POU6F2: variants seen among roughly 807,000 people sequenced by gnomAD.
The protein encoded by POU6F2 is POU domain, class 6, transcription factor 2.
POU6F2 carries 31 observed loss-of-function variants against 71.3 expected under a neutral mutation model. The observed-to-expected ratio is 0.43, with a 90% CI of 0.33 to 0.59. The LOEUF is 0.59. Ranked by LOEUF, POU6F2 falls within the 20% of genes least tolerant of loss-of-function variation. The pLI, the probability that POU6F2 is intolerant of heterozygous loss-of-function variation, is 0.04. For missense variants in POU6F2, 783 were observed against 856.8 expected, an observed-to-expected ratio of 0.91 and a Z score of 1.07; for synonymous variants, 347 against 355.7, an observed-to-expected ratio of 0.98 and a Z score of 0.27.
intron 9 of POU6F2, among the ~76,000 whole-genome samples, chr7:39,462,612 A>T (rs989515540): frequency 5.3e-5 from 8 of 152,224 alleles, no homozygotes; most frequent in Non-Finnish European, 1.2e-4. Flanking sequence ...TGGGGATTTT[A>T]TGGCAAACGA....
intron 5 of POU6F2, among the ~76,000 whole-genome samples, chr7:39,374,586 G>C (rs1009808321): frequency 1.3e-5 from 2 of 152,200 alleles, no homozygotes; most frequent in Admixed American, 1.3e-4. Flanking sequence ...AGTCAGCATA[G>C]AGATCCAGAG....
At chr7:39,181,838 G>A (rs1793441079) in intron 2 of POU6F2, among the ~76,000 whole-genome samples, 1 of 152,084 alleles carries the variant, frequency 6.6e-6, no homozygotes, top group African/African-American at 2.4e-5. Context: ...TTCTCTTCCA[G>A]CCCCAAAGAT....
intron 4 of POU6F2, among the ~76,000 whole-genome samples, chr7:39,337,379 G>A (rs375647959): frequency 2.0e-5 from 3 of 152,074 alleles, no homozygotes; most frequent in Non-Finnish European, 2.9e-5. Flanking sequence ...GGCCTATGTC[G>A]TGTATAGTAA....
At chr7:39,415,743 A>G (rs1039569936) in intron 6 of POU6F2, among the ~76,000 whole-genome samples, 2 of 152,208 alleles carry the variant, frequency 1.3e-5, no homozygotes, top group Admixed American at 1.3e-4. Context: ...TGAAAATAAT[A>G]TCTCCCATGC....
chr7:39,436,189 G>A (rs10235109), intron 7 of POU6F2, among the ~76,000 whole-genome samples: 51,245 of 151,884 alleles, frequency 0.34, 9,652 homozygotes, highest in East Asian at 0.58. Context: ...TGGGTATAGC[G>A]TTGAATCTAT....
At chr7:39,349,533 TC>T (rs1303483110) in intron 5 of POU6F2, among the ~76,000 whole-genome samples, 1 of 151,972 alleles carries the variant, frequency 6.6e-6, no homozygotes, top group Non-Finnish European at 1.5e-5. Context: ...GGTCAGGAGA[TC>T]CCCCAGCCCC....
intron 6 of POU6F2, among the ~76,000 whole-genome samples, chr7:39,416,695 T>G (rs1174326174): frequency 6.6e-6 from 1 of 152,188 alleles, no homozygotes; most frequent in Non-Finnish European, 1.5e-5. Flanking sequence ...AAGACACCAC[T>G]GATTTTAAAT....
intron 2 of POU6F2, among the ~76,000 whole-genome samples, chr7:39,158,889 A>G (rs1298562969): frequency 6.6e-6 from 1 of 152,090 alleles, no homozygotes; most frequent in Non-Finnish European, 1.5e-5. Flanking sequence ...TAACCGTTGC[A>G]GGCTGGGTGC....
chr7:38,996,277 G>T (rs1788737507), intron 1 of POU6F2, among the ~76,000 whole-genome samples: 1 of 151,966 alleles, frequency 6.6e-6, no homozygotes, highest in African/African-American at 2.4e-5. Context: ...CCGACTTGAG[G>T]TGATCTGCCC....
At chr7:39,361,031 C>T (rs1786378346) in intron 5 of POU6F2, among the ~76,000 whole-genome samples, 1 of 152,124 alleles carries the variant, frequency 6.6e-6, no homozygotes, top group Non-Finnish European at 1.5e-5. Flanking sequence ...CCAGGAGGTC[C>T]CAACCTTATT....
At chr7:39,052,314 G>A (rs1290545849) in intron 1 of POU6F2, among the ~76,000 whole-genome samples, 1 of 152,114 alleles carries the variant, frequency 6.6e-6, no homozygotes, top group Non-Finnish European at 1.5e-5. Flanking sequence ...GTATTAGTCC[G>A]TTCTCACATG....
chr7:39,202,597 G>A (rs1418814417), intron 2 of POU6F2, among the ~76,000 whole-genome samples: 1 of 152,150 alleles, frequency 6.6e-6, no homozygotes, highest in Admixed American at 6.5e-5. Flanking sequence ...TTGGACTTGG[G>A]TATATAAGAA....
intron 7 of POU6F2, 124 bp from the exon 8 acceptor site, chr7:39,451,409 C>A (rs1405688694): frequency 2.8e-6 from 3 of 1,082,188 alleles, no homozygotes; most frequent in Admixed American, 5.5e-5. Context: ...GGTGCGCACT[C>A]TTCCTGAGAA....
At chr7:39,456,738 G>T (rs1000565562) in intron 8 of POU6F2, among the ~76,000 whole-genome samples, 3 of 152,184 alleles carry the variant, frequency 2.0e-5, no homozygotes, top group African/African-American at 7.2e-5. Flanking sequence ...TTCACCTCTG[G>T]CAGTCAACAA....
chr7:39,348,911 G>A (rs767183971), intron 5 of POU6F2, among the ~76,000 whole-genome samples: 3 of 152,178 alleles, frequency 2.0e-5, no homozygotes, highest in Non-Finnish European at 2.9e-5. Flanking sequence ...TAGTTAACAC[G>A]ATTTAACCAA....
At chr7:39,155,251 T>G (rs928012651) in intron 2 of POU6F2, among the ~76,000 whole-genome samples, 21 of 98,246 alleles carry the variant, frequency 2.1e-4, no homozygotes, top group Admixed American at 4.8e-4. Context: ...TGAGTTTTTT[T>G]GGGGGGTGGG....
intron 5 of POU6F2, among the ~76,000 whole-genome samples, chr7:39,379,967 C>T (rs1349925233): frequency 6.6e-6 from 1 of 152,200 alleles, no homozygotes; most frequent in Admixed American, 6.5e-5. Context: ...ATGTATTTTA[C>T]TCTTCTTGCT....
chr7:39,208,143 A>G (rs1247300390), intron 4 of POU6F2, among the ~76,000 whole-genome samples: 1 of 152,240 alleles, frequency 6.6e-6, no homozygotes, highest in Non-Finnish European at 1.5e-5. Context: ...CATATTTTGC[A>G]ATGAGAAAAA....
intron 4 of POU6F2, among the ~76,000 whole-genome samples, chr7:39,306,149 C>A (rs183648047): frequency 4.6e-5 from 7 of 152,214 alleles, no homozygotes; most frequent in Admixed American, 2.0e-4. Context: ...TCAAGAGAAC[C>A]CAACACATTA....
Sources: gnomAD v4.1 joint callset for allele counts (sites outside exome capture counted in the v4.1 genomes callset) on GRCh38, gnomAD v4.1.1 for gene constraint, MANE v1.5 for transcripts, NCBI Gene and HGNC (gene_info 2026-07-23, HGNC 2026-07-21) for gene names.